The following ROBO2 variants were observed in gnomAD, a reference collection of about 807,000 sequenced individuals.
ROBO2 encodes the protein roundabout homolog 2.
Under a neutral mutation model 160.8 loss-of-function variants are expected in ROBO2, and 53 were observed. The observed-to-expected ratio is 0.33, with a 90% CI of 0.26 to 0.41. ROBO2 has a LOEUF of 0.41. Among genes scored for constraint, ROBO2 ranks in the 10% least tolerant of loss-of-function variants. The pLI is 1.00. For synonymous variants in ROBO2, 664 were observed against 611.7 expected (o/e 1.09, Z -1.26); for missense variants, 1,577 against 1,722.4 (o/e 0.92, Z 1.49).
intron 2 of ROBO2, among the ~76,000 whole-genome samples, chr3:76,005,882 A>G (rs966681399): frequency 2.0e-5 from 3 of 152,204 alleles, no homozygotes; most frequent in South Asian, 2.1e-4. Context: ...GAAAGTTTTC[A>G]TATTTCTTTT....
chr3:77,363,608 C>A (rs9836106), intron 2 of ROBO2, among the ~76,000 whole-genome samples: 46,692 of 152,020 alleles, frequency 0.31, 7,702 homozygotes, highest in Non-Finnish European at 0.38. Flanking sequence ...AGAAATGCGA[C>A]TGGACAAAAG....
intron 5 of ROBO2, among the ~76,000 whole-genome samples, chr3:77,498,824 C>T (rs1029766477): frequency 1.3e-5 from 2 of 152,024 alleles, no homozygotes; most frequent in African/African-American, 4.8e-5. Context: ...ATTTGAGCTC[C>T]TGATAAATAA....
intron 2 of ROBO2, among the ~76,000 whole-genome samples, chr3:76,799,845 A>G (rs1420341712): frequency 3.3e-5 from 5 of 152,178 alleles, no homozygotes; most frequent in Non-Finnish European, 5.9e-5. Flanking sequence ...CAAAATGCCA[A>G]TCTTTACATT....
chr3:77,147,288 AG>A (rs1486959185), intron 2 of ROBO2, among the ~76,000 whole-genome samples: 2 of 152,110 alleles, frequency 1.3e-5, no homozygotes, highest in East Asian at 3.9e-4. Context: ...ATCTGCCTGA[AG>A]CTCAGTATCT....
intron 2 of ROBO2, among the ~76,000 whole-genome samples, chr3:76,327,330 A>G (rs948453632): frequency 4.6e-5 from 7 of 152,142 alleles, no homozygotes; most frequent in African/African-American, 1.2e-4. Flanking sequence ...TTTGTTCATT[A>G]GCTATGCATG....
chr3:76,717,530 A>G (rs1386331823), intron 2 of ROBO2, among the ~76,000 whole-genome samples: 1 of 152,000 alleles, frequency 6.6e-6, no homozygotes, highest in Non-Finnish European at 1.5e-5. Context: ...CCCCACTATC[A>G]ACCTAACAGA....
intron 5 of ROBO2, among the ~76,000 whole-genome samples, chr3:77,495,125 C>A (rs1373715402): frequency 6.6e-6 from 1 of 152,068 alleles, no homozygotes; most frequent in African/African-American, 2.4e-5. Flanking sequence ...AATTTGAGAG[C>A]ATGTAGTGAA....
chr3:77,329,356 A>G (rs1359738029), intron 2 of ROBO2, among the ~76,000 whole-genome samples: 1 of 152,068 alleles, frequency 6.6e-6, no homozygotes, highest in East Asian at 1.9e-4. Flanking sequence ...ATTCTTTTAT[A>G]CTCCTTCAGA....
chr3:76,730,015 G>A (rs1039380404), intron 2 of ROBO2, among the ~76,000 whole-genome samples: 13 of 152,160 alleles, frequency 8.5e-5, no homozygotes, highest in African/African-American at 3.1e-4. Context: ...TACTTTCTTA[G>A]TTTGGGAATA....
At chr3:76,226,769 T>G (rs1378285621) in intron 2 of ROBO2, among the ~76,000 whole-genome samples, 1 of 152,176 alleles carries the variant, frequency 6.6e-6, no homozygotes, top group Non-Finnish European at 1.5e-5. Context: ...TAGGCCCTAA[T>G]AACTTTGAAA....
At chr3:77,443,325 GA>G (rs146641672) in intron 2 of ROBO2, among the ~76,000 whole-genome samples, 2,888 of 151,438 alleles carry the variant, frequency 0.019, 91 homozygotes, top group African/African-American at 0.064. Flanking sequence ...AATAGACTGA[GA>G]AAAAAATAAA....
chr3:75,990,891 G>C (rs2065547250), intron 2 of ROBO2, among the ~76,000 whole-genome samples: 1 of 152,146 alleles, frequency 6.6e-6, no homozygotes, highest in African/African-American at 2.4e-5. Flanking sequence ...ACTGAGTGAA[G>C]AAGATCTGCC....
chr3:77,215,986 C>T (rs1183584439), intron 2 of ROBO2, among the ~76,000 whole-genome samples: 2 of 152,142 alleles, frequency 1.3e-5, no homozygotes, highest in African/African-American at 2.4e-5. Context: ...GTCAGTCTGC[C>T]ACTACTGGGG....
chr3:76,433,154 G>A (rs2076516274), intron 2 of ROBO2, among the ~76,000 whole-genome samples: 1 of 151,936 alleles, frequency 6.6e-6, no homozygotes, highest in Admixed American at 6.6e-5. Flanking sequence ...CTTATTAGTG[G>A]GACTACATTA....
chr3:77,014,757 C>T, intron 2 of ROBO2, among the ~76,000 whole-genome samples: 1 of 151,160 alleles, frequency 6.6e-6, no homozygotes, highest in East Asian at 1.9e-4. Flanking sequence ...AAAAGGAGAG[C>T]CAGGTGATGG....
At chr3:76,676,061 T>C (rs576894131) in intron 2 of ROBO2, among the ~76,000 whole-genome samples, 1 of 152,074 alleles carries the variant, frequency 6.6e-6, no homozygotes, top group Admixed American at 6.6e-5. Context: ...AAAAGGGAAA[T>C]TTAGAAAGCA....
chr3:76,036,894 T>G (rs542126517), intron 2 of ROBO2, among the ~76,000 whole-genome samples: 13 of 152,176 alleles, frequency 8.5e-5, no homozygotes, highest in Admixed American at 2.6e-4. Flanking sequence ...AAGATAAACC[T>G]TTCCATTTAC....
intron 2 of ROBO2, among the ~76,000 whole-genome samples, chr3:77,005,603 T>A (rs1273048132): frequency 6.6e-6 from 1 of 152,166 alleles, no homozygotes; most frequent in Non-Finnish European, 1.5e-5. Context: ...TTGTACTTTA[T>A]GGAGTACAGG....
chr3:77,343,464 G>T (rs534316744), intron 2 of ROBO2, among the ~76,000 whole-genome samples: 1 of 152,210 alleles, frequency 6.6e-6, no homozygotes, highest in South Asian at 2.1e-4. Context: ...AAACGTACAA[G>T]AAATTTACTA....
Sources: gnomAD v4.1 joint callset for allele counts (sites outside exome capture counted in the v4.1 genomes callset) on GRCh38, gnomAD v4.1.1 for gene constraint, MANE v1.5 for transcripts, NCBI Gene and HGNC (gene_info 2026-07-23, HGNC 2026-07-21) for gene names.